Variants in CKAP2 observed in about 807,000 individuals in gnomAD.
CKAP2 encodes cytoskeleton associated protein 2, also known as cytoskeleton-associated protein 2.
CKAP2 carries 46 observed loss-of-function variants against 58.4 expected under a neutral mutation model. The observed-to-expected ratio is 0.79, with a 90% CI of 0.62 to 1.01. The LOEUF (loss-of-function observed/expected upper bound fraction) is 1.01. CKAP2 is among the 50% of genes least tolerant of loss of function. The pLI is 0.00. For synonymous variants in CKAP2, 293 were observed against 280.9 expected (o/e 1.04, Z -0.43); for missense variants, 809 against 796.4 (o/e 1.02, Z -0.19).
chr13:52,471,889 C>A (rs892225926), intron 7 of CKAP2, among the ~76,000 whole-genome samples: 4 of 152,152 alleles, frequency 2.6e-5, no homozygotes, highest in African/African-American at 9.7e-5. Flanking sequence ...GCTCTTCATT[C>A]CAATCCATTC....
rs1461145983 is a variant in CKAP2, at chr13:52,461,759, G to T, written c.933G>T (p.Lys311Asn). ...TSSSQGIIRN[K>N]TLSRSIASEV... Reference sequence around the variant, plus strand: ...CTTCTCAAGGTATAATAAGAAATAAGACTCTATCAAGATCCATAGCATCTG... The same window carrying T: ...CTTCTCAAGGTATAATAAGAAATAATACTCTATCAAGATCCATAGCATCTG... Residue 311 changes from lysine to asparagine, a missense_variant, in exon 4 of 9, where the codon AAG becomes AAT. Around this residue, in one of 3 missense-constraint regions of CKAP2, gnomAD observed 523 missense variants for 492.4 expected, o/e 1.06. Transcript: ENST00000258607. 12 of 1,613,870 alleles carry T rather than the reference G, an allele frequency of 7.4e-6. No homozygotes were observed. The highest frequency in any genetic ancestry group is 1.0e-5 in the Non-Finnish European group (12 of 1,179,830).
chr13:52,469,518 C>CA (rs1169732079), intron 7 of CKAP2, among the ~76,000 whole-genome samples: 1 of 151,186 alleles, frequency 6.6e-6, no homozygotes, highest in Non-Finnish European at 1.5e-5. Flanking sequence ...TGATTTTAGG[C>CA]AAAAAATACC....
chr13:52,457,786 G>A (rs976395808), intron 2 of CKAP2, among the ~76,000 whole-genome samples: 13 of 152,116 alleles, frequency 8.5e-5, no homozygotes, highest in African/African-American at 3.1e-4. Context: ...CCTGGGAGAT[G>A]GAGGTTGCAG....
Position 52,468,305 on chromosome 13 carries a change from G to T in CKAP2, c.1504G>T (p.Val502Leu), listed in dbSNP as rs117024941. The T allele has an allele frequency of 7.5e-6, 12 of 1,601,348 alleles. 1 individual carries two copies. In the Admixed American group the frequency reaches 1.9e-4, roughly 25 times the overall value. Residue 502 changes from valine (V) to leucine (L), a missense_variant, in exon 7 of 9, where the codon GTA becomes TTA. Around this residue, in one of 3 missense-constraint regions of CKAP2, gnomAD observed 283 missense variants for 287.6 expected, o/e 0.98. Transcript: ENST00000258607. ...TATTGAAGAGATGCGACACACGATT[G>T]TAGATATTCTAACAATGAAGAGTCA... ...QPIEEMRHTI[V>L]DILTMKSQEK... is the part of the protein sequence containing the mutation.
chr13:52,466,029 A>G (rs1429994447), intron 6 of CKAP2, among the ~76,000 whole-genome samples: 1 of 150,548 alleles, frequency 6.6e-6, no homozygotes, highest in Non-Finnish European at 1.5e-5. Flanking sequence ...ATATACACAT[A>G]TACACATATA....
intron 7 of CKAP2, among the ~76,000 whole-genome samples, chr13:52,469,614 G>T (rs1400836164): frequency 1.4e-5 from 2 of 144,864 alleles, no homozygotes; most frequent in African/African-American, 2.5e-5. Context: ...TTTTGAGACG[G>T]AGTCTCGCTC....
chr13:52,467,206 CTTGA>C (rs776245159), intron 6 of CKAP2, among the ~76,000 whole-genome samples: 26 of 151,732 alleles, frequency 1.7e-4, no homozygotes, highest in Non-Finnish European at 3.2e-4. Flanking sequence ...CTTCCCTAAT[CTTGA>C]TTGTGTTGGG....
chr13:52,468,387 G>T (rs1958713321), intron 7 of CKAP2, 40 bp downstream of exon 7: 2 of 1,182,878 alleles, frequency 1.7e-6, no homozygotes, highest in Non-Finnish European at 2.4e-6. Context: ...GTGAACTGTA[G>T]TTTTTTTTTG....
chr13:52,463,325 A>C (rs1019406255), intron 5 of CKAP2, among the ~76,000 whole-genome samples: 2 of 152,236 alleles, frequency 1.3e-5, no homozygotes, highest in Non-Finnish European at 2.9e-5. Context: ...GTTTGTATAC[A>C]TTGAACCATT....
Position 52,465,409 on chromosome 13 carries a change from A to G in CKAP2, c.1420A>G (p.Ser474Gly). The G allele has an allele frequency of 1.2e-6, 2 of 1,613,570 alleles. No individual in the cohort carries two copies. The highest frequency in any genetic ancestry group is 1.7e-6 in the Non-Finnish European group (2 of 1,179,660). ...ICLALIEPITSPIENIIAIYE... is the reference protein window; with the variant it reads ...ICLALIEPITGPIENIIAIYE... ...TCTTGCACTTATTGAACCAATCACAAGTCCTATTGAAAATATTATTGCAAT... is the reference window on the plus strand; with the variant it reads ...TCTTGCACTTATTGAACCAATCACAGGTCCTATTGAAAATATTATTGCAAT... Residue 474 changes from serine (S) to glycine (G), a missense_variant, in exon 6 of 9, where the codon AGT becomes GGT. By Grantham distance (56) the Ser-to-Gly change is moderately conservative (BLOSUM62 0). This residue lies in a region of CKAP2 where 283 missense variants were observed against 287.6 expected (regional missense o/e 0.98). Coordinates refer to ENST00000258607, the MANE Select transcript of CKAP2 (RefSeq NM_018204.5).
intron 6 of CKAP2, 80 bp downstream of exon 6, chr13:52,465,545 A>C: frequency 7.8e-7 from 1 of 1,289,440 alleles, no homozygotes; most frequent in Non-Finnish European, 1.1e-6. Context: ...TCACAACATA[A>C]CTTGAGAAAA....
chr13:52,460,033 T>C (rs1022235545), intron 2 of CKAP2, among the ~76,000 whole-genome samples: 1 of 151,730 alleles, frequency 6.6e-6, no homozygotes, highest in Admixed American at 6.6e-5. Context: ...TAATTTTTTA[T>C]TTTTTTGTAG....
chr13:52,470,965 C>T (rs1452033180), intron 7 of CKAP2, among the ~76,000 whole-genome samples: 1 of 152,102 alleles, frequency 6.6e-6, no homozygotes, highest in African/African-American at 2.4e-5. Flanking sequence ...CGAGACCATC[C>T]TGGCCAACAT....
Position 52,461,654 on chromosome 13 carries a change from C to T in CKAP2, c.828C>T (p.Ala276=), listed in dbSNP as rs1466230251. Residue 276 remains alanine (A), a synonymous_variant, in exon 4 of 9, where the codon GCC becomes GCT. Coordinates refer to ENST00000258607, the MANE Select transcript of CKAP2 (RefSeq NM_018204.5). Reference sequence around the variant, plus strand: ...AACAAGGCATCAGTAGAACTTCTGCCAATGTTACAATCCGGAAAGGGCCTC... The same window carrying T: ...AACAAGGCATCAGTAGAACTTCTGCTAATGTTACAATCCGGAAAGGGCCTC... The part of the protein sequence containing the change: ...TVKQGISRTS[A]NVTIRKGPHE... 6.2e-7 allele frequency: 1 copy of T among 1,614,072 alleles called. No individual in the cohort carries two copies. Among genetic ancestry groups the T allele is most frequent in the South Asian group, 1.1e-5 (1 of 91,078 alleles).
intron 6 of CKAP2, 64 bp downstream of exon 6, chr13:52,465,529 AAC>A: frequency 7.2e-7 from 1 of 1,381,072 alleles, no homozygotes; most frequent in Non-Finnish European, 1.0e-6. Context: ...ATTAATTTGA[AAC>A]ACATCACAAC....
chr13:52,465,732 A>G (rs1958658319), intron 6 of CKAP2: 1 of 537,558 alleles, frequency 1.9e-6, no homozygotes, highest in Non-Finnish European at 3.5e-6. Flanking sequence ...ATGTTTTAGC[A>G]TATTATTGTA....
rs1226493339 is a variant in CKAP2 at position 52,475,188 on chromosome 13, G to T, written c.*47G>T. 6.3e-7 allele frequency: 1 copy of T among 1,593,592 alleles called. No homozygotes were observed. Among genetic ancestry groups the T allele is most frequent in the Non-Finnish European group, 8.5e-7 (1 of 1,169,652 alleles). Reference sequence around the variant, plus strand: ...GAATGGGGTTTTTATTATTTGTGGGGTGTTTTGTTTTGAGTAGCTTTATAT... The same window carrying T: ...GAATGGGGTTTTTATTATTTGTGGGTTGTTTTGTTTTGAGTAGCTTTATAT... On this transcript the variant is annotated 3_prime_UTR_variant, in exon 9 of 9. Transcript: ENST00000258607.
intron 1 of CKAP2, 31 bp from the exon 2 acceptor site, chr13:52,456,492 T>A: frequency 6.7e-7 from 1 of 1,491,702 alleles, no homozygotes; most frequent in South Asian, 1.2e-5. Context: ...TTAACTAATA[T>A]TGACTTGTAG....
rs1958570029 is a variant in CKAP2, at chr13:52,461,258, C to T, written c.432C>T (p.Ser144=). Residue 144 remains serine (S), a synonymous_variant, in exon 4 of 9, where the codon AGC becomes AGT. Coordinates refer to ENST00000258607, the MANE Select transcript of CKAP2 (RefSeq NM_018204.5). Reference sequence around the variant, plus strand: ...CCCAAAGTCAACATATGACATTAAGCCAGGCATTTCACCTTAAAAACAATA... The same window carrying T: ...CCCAAAGTCAACATATGACATTAAGTCAGGCATTTCACCTTAAAAACAATA... ...DDPQSQHMTL[S]QAFHLKNNSK... The T allele has an allele frequency of 6.2e-7, 1 of 1,613,602 alleles. No individual in the cohort carries two copies. Among genetic ancestry groups the T allele is most frequent in the African/African-American group, 1.3e-5 (1 of 74,988 alleles).
Sources: gnomAD v4.1 joint callset for allele counts (sites outside exome capture counted in the v4.1 genomes callset) on GRCh38, gnomAD v4.1.1 for gene constraint, gnomAD v4.1.1 regional missense constraint, MANE v1.5 for transcripts, NCBI Gene and HGNC (gene_info 2026-07-23, HGNC 2026-07-21) for gene names.